Variants in DGKI observed in about 807,000 individuals in gnomAD.
DGKI encodes the protein DAG kinase iota.
Under a neutral mutation model 147.5 loss-of-function variants are expected in DGKI, and 55 were observed. The ratio of observed to expected loss-of-function variants is 0.37; its 90% CI spans 0.30 to 0.47. DGKI has a LOEUF of 0.47. Among genes scored for constraint, DGKI ranks in the 20% least tolerant of loss-of-function variants. The pLI, the probability that DGKI is intolerant of heterozygous loss-of-function variation, is 1.00. For missense variants in DGKI, 1,007 were observed against 1,323.8 expected, an observed-to-expected ratio of 0.76 and a Z score of 3.71; for synonymous variants, 469 against 477.1, an observed-to-expected ratio of 0.98 and a Z score of 0.22.
At chr7:137,576,164 A>G (rs1017594145) in intron 17 of DGKI, among the ~76,000 whole-genome samples, 87 of 150,778 alleles carry the variant, frequency 5.8e-4, no homozygotes, top group Admixed American at 5.7e-3. Context: ...CAGCCTCCCG[A>G]GTAGCTGGGA....
chr7:137,661,375 G>A lies in DGKI; in HGVS notation c.607-4835C>T, dbSNP rs186152904. ...CCAGACGTAATGCAAGGAATCACCA[G>A]CTATGAGGCCACAGTGAGCAAAGGG... On this transcript the variant is annotated intron_variant, in intron 3 of 32. Transcript: ENST00000614521. Among the ~76,000 whole-genome samples the A allele has an allele frequency of 3.3e-5, 5 of 152,256 alleles. No individual in the cohort carries two copies. The East Asian group carries it at 9.7e-4, about 30-fold the overall frequency.
chr7:137,561,002 G>C (rs796209886), intron 19 of DGKI, among the ~76,000 whole-genome samples: 4 of 152,208 alleles, frequency 2.6e-5, no homozygotes, highest in African/African-American at 9.6e-5. Context: ...CAATCACCAT[G>C]GAGAGGAATA....
At chr7:137,430,578 T>C (rs113700601) in intron 28 of DGKI, among the ~76,000 whole-genome samples, 5,772 of 151,598 alleles carry the variant, frequency 0.038, 276 homozygotes, top group African/African-American at 0.1. Context: ...AAAATAATTT[T>C]AAAAAAAGAA....
chr7:137,391,174 C>A lies in DGKI; in HGVS notation c.*46G>T, dbSNP rs753877246. On this transcript the variant is annotated 3_prime_UTR_variant, in exon 33 of 33. Coordinates refer to ENST00000614521, the MANE Select transcript of DGKI (RefSeq NM_001321708.2). The stretch of plus-strand genomic sequence containing the variant: ...GGGAGCTGCCCAATTGCAGGGAGGG[C>A]AGATGTGATACGCTTGCTCATGTCC... The A allele has an allele frequency of 7.1e-7, 1 of 1,407,398 alleles. No homozygotes were observed. Among genetic ancestry groups the A allele is most frequent in the South Asian group, 1.2e-5 (1 of 86,770 alleles). The allele number at this position is 1,407,398 out of a possible 1,614,324, so 87.2% of individuals were successfully genotyped here. A position where few individuals can be genotyped will look rare whatever the true frequency, so the allele number is the denominator to read the frequency against.
intron 10 of DGKI, among the ~76,000 whole-genome samples, chr7:137,602,528 G>C (rs745335356): frequency 6.6e-6 from 1 of 152,030 alleles, no homozygotes. Context: ...TCAAAATATG[G>C]TATTTATTAC....
chr7:137,676,498 G>A (rs962775736), intron 3 of DGKI, among the ~76,000 whole-genome samples: 1 of 152,076 alleles, frequency 6.6e-6, no homozygotes, highest in African/African-American at 2.4e-5. Context: ...CCACTTTATA[G>A]GTAAAGAAAC....
At chr7:137,482,886 A>T in intron 23 of DGKI, among the ~76,000 whole-genome samples, 1 of 151,956 alleles carries the variant, frequency 6.6e-6, no homozygotes, top group East Asian at 1.9e-4. Context: ...TGTCCTAAGG[A>T]AGGATATGGG....
chr7:137,517,004 A>C (rs2128950010), intron 21 of DGKI, among the ~76,000 whole-genome samples: 1 of 151,922 alleles, frequency 6.6e-6, no homozygotes, highest in South Asian at 2.1e-4. Context: ...TAACATCACC[A>C]GGGATGTCAT....
intron 1 of DGKI, among the ~76,000 whole-genome samples, chr7:137,747,240 C>T (rs1263917116): frequency 1.3e-5 from 2 of 152,034 alleles, no homozygotes; most frequent in Admixed American, 6.6e-5. Flanking sequence ...TCCTAAGCAC[C>T]TAAAAAGTTT....
intron 1 of DGKI, among the ~76,000 whole-genome samples, chr7:137,820,715 C>T (rs901952197): frequency 1.3e-5 from 2 of 152,142 alleles, no homozygotes; most frequent in East Asian, 1.9e-4. Flanking sequence ...GGGAAAACCC[C>T]GTGTCTGATC....
intron 1 of DGKI, among the ~76,000 whole-genome samples, chr7:137,817,894 C>T (rs374954639): frequency 3.9e-5 from 6 of 152,342 alleles, no homozygotes; most frequent in African/African-American, 1.2e-4. Context: ...TTAGCCACAG[C>T]AGGGGCTAAC....
intron 21 of DGKI, among the ~76,000 whole-genome samples, chr7:137,506,808 AAAATC>A (rs1816384255): frequency 6.6e-6 from 1 of 152,248 alleles, no homozygotes; most frequent in East Asian, 1.9e-4. Flanking sequence ...AAGAAACAGA[AAAATC>A]AAGAGAAAAA....
chr7:137,644,448 C>T (rs1327046843), intron 6 of DGKI, among the ~76,000 whole-genome samples: 1 of 152,180 alleles, frequency 6.6e-6, no homozygotes, highest in East Asian at 1.9e-4. Context: ...TTGGGCAAAA[C>T]AGCAAAATTA....
intron 6 of DGKI, among the ~76,000 whole-genome samples, chr7:137,638,628 A>ATGTATATGTG (rs1821493162): frequency 2.3e-4 from 1 of 4,406 alleles, no homozygotes; most frequent in East Asian, 0.031. Context: ...ACACATATAT[A>ATGTATATGTG]TGTGTGTATA....
chr7:137,683,846 A>C lies in DGKI; in HGVS notation c.511-5194T>G, dbSNP rs540289029. On this transcript the variant is annotated intron_variant, in intron 2 of 32. Coordinates refer to ENST00000614521, the MANE Select transcript of DGKI (RefSeq NM_001321708.2). ...GATAGATCTATTCATCTAAGAGTGG[A>C]GATTCACCTAAATAGACATAAATAC... Among the ~76,000 whole-genome samples the C allele has an allele frequency of 7.6e-3, 1,151 of 152,278 alleles. 6 individuals carry two copies. The highest frequency in any genetic ancestry group is 0.027 in the African/African-American group (1,109 of 41,550).
chr7:137,665,095 G>A (rs1822587858), intron 3 of DGKI, among the ~76,000 whole-genome samples: 1 of 152,222 alleles, frequency 6.6e-6, no homozygotes, highest in African/African-American at 2.4e-5. Context: ...GAGTAGAGAT[G>A]AGGTCAGATG....
At chr7:137,513,850 C>T in intron 21 of DGKI, 1 of 693,552 alleles carries the variant, frequency 1.4e-6, no homozygotes, top group Middle Eastern at 3.5e-4. Context: ...TTTTGGAAAC[C>T]TCTGCGCCAT....
intron 27 of DGKI, among the ~76,000 whole-genome samples, chr7:137,456,467 CA>C (rs1451779538): frequency 2.6e-5 from 4 of 152,104 alleles, no homozygotes; most frequent in African/African-American, 9.7e-5. Flanking sequence ...CTATTCATCC[CA>C]AAAGCCTGCC....
intron 28 of DGKI, among the ~76,000 whole-genome samples, chr7:137,423,492 C>A (rs1812661221): frequency 6.6e-6 from 1 of 152,118 alleles, no homozygotes; most frequent in African/African-American, 2.4e-5. Flanking sequence ...ACTGGTTTTA[C>A]CAAACATCAA....
Sources: allele counts gnomAD v4.1 joint callset (sites outside exome capture counted in the v4.1 genomes callset), GRCh38; gene constraint gnomAD v4.1.1; transcripts MANE v1.5; gene names NCBI Gene and HGNC (gene_info 2026-07-23, HGNC 2026-07-21).